FAM131B: variants seen among roughly 807,000 people sequenced by gnomAD.
FAM131B encodes the protein protein FAM131B.
In FAM131B, 19 loss-of-function variants were observed where a neutral mutation model predicts 42.0. The observed-to-expected ratio is 0.45, with a 90% CI of 0.32 to 0.66. The LOEUF is 0.66. Among genes scored for constraint, FAM131B ranks in the 30% least tolerant of loss-of-function variants. The pLI is 0.05. For synonymous variants in FAM131B, 183 were observed against 177.6 expected, an observed-to-expected ratio of 1.03 and a Z score of -0.24; for missense variants, 370 against 468.4, an observed-to-expected ratio of 0.79 and a Z score of 1.94.
chr7:143,359,050 C>T lies in FAM131B; in HGVS notation c.269-26G>A, dbSNP rs371050335. 224 of 1,606,988 alleles carry T rather than the reference C, an allele frequency of 1.4e-4. 1 individual carries two copies. The Middle Eastern group carries it at 3.9e-3, about 28-fold the overall frequency. Reference sequence around the variant, plus strand: ...CTATGGGGCCAGACATTTCCCACATCCTCCAGAATATCACACAATACCCAT... The same window carrying T: ...CTATGGGGCCAGACATTTCCCACATTCTCCAGAATATCACACAATACCCAT... On this transcript the variant is annotated intron_variant, in intron 4 of 6. Transcript: ENST00000443739. This position sits in a 1 kb window ranked among gnomAD's most constrained non-coding sequence, Gnocchi z 5.4.
chr7:143,359,761 G>C lies in FAM131B; in HGVS notation c.145C>G (p.Arg49Gly), dbSNP rs1386234822. ...SLHRPSTEQT[R>G]TDFSWDGINL... is the part of the protein sequence containing the mutation. ...ATGCCGTCCCAGGAGAAATCAGTTC[G>C]AGTTTGCTGTGAGGAGAGAGGAAAG... is the stretch of plus-strand genomic sequence containing the variant. Residue 49 changes from arginine to glycine, a missense_variant, in exon 3 of 7, where the codon CGA becomes GGA. Coordinates refer to ENST00000443739, the MANE Select transcript of FAM131B (RefSeq NM_001031690.3). This position sits in a 1 kb window ranked among gnomAD's most constrained non-coding sequence, Gnocchi z 5.4. 5.7e-6 allele frequency: 9 copies of C among 1,569,292 alleles called. No individual in the cohort carries two copies. The highest frequency in any genetic ancestry group is 6.9e-6 in the Non-Finnish European group (8 of 1,156,636).
In FAM131B at chr7:143,359,566, G is replaced by A. The variant is rs1457178141; in HGVS notation, c.175-147C>T. The A allele has an allele frequency of 3.3e-6, 3 of 916,690 alleles. No homozygotes were observed. In the African/African-American group the frequency reaches 4.9e-5, roughly 15 times the overall value. 56.8% of individuals were successfully genotyped at this position (916,690 alleles called of 1,614,324 possible). ...CTACTATACCCAAGAGTCCCAAGGA[G>A]GGATATATCCCCAGTGCTCTGGAAA... On this transcript the variant is annotated intron_variant, in intron 3 of 6. Transcript: ENST00000443739. This position sits in a 1 kb window ranked among gnomAD's most constrained non-coding sequence, Gnocchi z 5.4.
upstream of FAM131B, among the ~76,000 whole-genome samples, chr7:143,365,657 A>G (rs1171993084): frequency 6.6e-6 from 1 of 152,142 alleles, no homozygotes; most frequent in African/African-American, 2.4e-5. Context: ...CCGGAGAGCA[A>G]TGGCATGATC....
At chr7:143,380,201 G>A in the FAM131B span, 1 of 984,672 alleles carries the variant, frequency 1.0e-6, no homozygotes, top group Non-Finnish European at 1.2e-6. The surrounding 1 kb of genome is among the most constrained non-coding windows in gnomAD (Gnocchi z 5.0). Flanking sequence ...AAAGAACTGG[G>A]GCCGAGATTG....
chr7:143,359,192 G>A lies in FAM131B; in HGVS notation c.268+134C>T, dbSNP rs1803831303. The A allele has an allele frequency of 8.9e-6, 9 of 1,013,822 alleles. No individual in the cohort carries two copies. The highest frequency in any genetic ancestry group is 1.6e-5 in the African/African-American group (1 of 62,968). The allele number at this position is 1,013,822 out of a possible 1,614,324, so 62.8% of individuals were successfully genotyped here. A position where few individuals can be genotyped will look rare whatever the true frequency, so the allele number is the denominator to read the frequency against. The stretch of plus-strand genomic sequence containing the variant: ...GGAGGGAATGGCCTGGAGGATGGGA[G>A]GCTTGACAGAAGGGTGAATAGGTCA... On this transcript the variant is annotated intron_variant, in intron 4 of 6. Transcript: ENST00000443739. The surrounding 1 kb of genome is among the most constrained non-coding windows in gnomAD (Gnocchi z 5.4).
the FAM131B span, among the ~76,000 whole-genome samples, chr7:143,375,509 T>C: frequency 6.6e-6 from 1 of 152,222 alleles, no homozygotes; most frequent in African/African-American, 2.4e-5. Flanking sequence ...CATAAATAAC[T>C]ACAGACAGGG....
upstream of FAM131B, among the ~76,000 whole-genome samples, chr7:143,367,385 G>A (rs1019766260): frequency 2.0e-5 from 3 of 152,146 alleles, no homozygotes; most frequent in African/African-American, 7.2e-5. Context: ...GGGATCTAAG[G>A]TGAGCTCACT....
At chr7:143,357,521 A>C (rs991847704) in intron 5 of FAM131B, 98 bp from the exon 6 acceptor site, 2 of 952,560 alleles carry the variant, frequency 2.1e-6, no homozygotes, top group Non-Finnish European at 2.9e-6. Flanking sequence ...GTTCAGTAGA[A>C]ATATAATGCA....
chr7:143,357,556 TC>T, intron 5 of FAM131B, 133 bp from the exon 6 acceptor site: 1 of 560,552 alleles, frequency 1.8e-6, no homozygotes. Context: ...TTTTAAATTT[TC>T]CAGTAGCCAC....
chr7:143,367,025 G>A (rs965421253), upstream of FAM131B, among the ~76,000 whole-genome samples: 21 of 152,294 alleles, frequency 1.4e-4, no homozygotes, highest in African/African-American at 5.1e-4. Flanking sequence ...TAGTGTGTAA[G>A]TTGTATTCCC....
the FAM131B span, chr7:143,381,237 C>T: frequency 6.9e-6 from 7 of 1,017,854 alleles, no homozygotes; most frequent in Non-Finnish European, 8.3e-6. Flanking sequence ...CTCCGGGCCG[C>T]TCCTTGTATG....
Position 143,359,504 on chromosome 7 carries a change from G to GA in FAM131B, c.175-86dup, listed in dbSNP as rs768285017. ...CATGGAGGAGGTTCATGGTTTCCAGGAAAAAGCATTCGAGCTAGGGCAGAT... is the reference window on the plus strand; with the variant it reads ...CATGGAGGAGGTTCATGGTTTCCAGGAAAAAAGCATTCGAGCTAGGGCAGAT... On this transcript the variant is annotated intron_variant, in intron 3 of 6. Transcript: ENST00000443739. The surrounding 1 kb of genome is among the most constrained non-coding windows in gnomAD (Gnocchi z 5.4). The GA allele has an allele frequency of 2.0e-4, 234 of 1,149,684 alleles. 1 individual carries two copies. In the East Asian group the frequency reaches 5.5e-3, roughly 27 times the overall value. The allele number at this position is 1,149,684 out of a possible 1,614,324, so 71.2% of individuals were successfully genotyped here.
chr7:143,381,899 T>C, the FAM131B span: 2,237 of 1,024,786 alleles, frequency 2.2e-3, 4 homozygotes, highest in Non-Finnish European at 2.8e-3. Flanking sequence ...AGCCACCCTG[T>C]CCCGAGCAGA....
the FAM131B span, among the ~76,000 whole-genome samples, chr7:143,369,194 CA>C: frequency 9.9e-5 from 15 of 152,272 alleles, no homozygotes; most frequent in East Asian, 2.5e-3. Flanking sequence ...GAACTGTAAC[CA>C]AAATTCAGGT....
Position 143,357,390 on chromosome 7 carries a change from G to T in FAM131B, c.500C>A (p.Thr167Lys). Residue 167 changes from threonine (T) to lysine (K), a missense_variant, in exon 6 of 7, where the codon ACA (threonine) becomes AAA (lysine). By Grantham distance (78) the Thr-to-Lys change is moderately conservative. Transcript: ENST00000443739. ...VMEQFAISEA[T>K]LMAWSSMDGE... ...ATCCATGGAAGACCAGGCCATGAGT[G>T]TGGCCTCAGAGATAGCAAACTGCTC... 1 of 1,612,506 alleles carries T rather than the reference G, an allele frequency of 6.2e-7. No individual in the cohort carries two copies. Among genetic ancestry groups the T allele is most frequent in the Non-Finnish European group, 8.5e-7 (1 of 1,179,268 alleles).
In FAM131B at chr7:143,358,773, T is replaced by C; in HGVS notation, c.466+54A>G. On this transcript the variant is annotated intron_variant, in intron 5 of 6. Coordinates refer to ENST00000443739, the MANE Select transcript of FAM131B (RefSeq NM_001031690.3). The surrounding 1 kb of genome is among the most constrained non-coding windows in gnomAD (Gnocchi z 4.7). Reference sequence around the variant, plus strand: ...TGCCACAGGGGATCAGGTTGGAGGGTCGGTCCCTGGCCATCCTGCAAATGT... The same window carrying C: ...TGCCACAGGGGATCAGGTTGGAGGGCCGGTCCCTGGCCATCCTGCAAATGT... 1 of 1,451,500 alleles carries C rather than the reference T, an allele frequency of 6.9e-7. No homozygotes were observed. Among genetic ancestry groups the C allele is most frequent in the Non-Finnish European group, 9.6e-7 (1 of 1,043,342 alleles). 89.9% of individuals were successfully genotyped at this position (1,451,500 alleles called of 1,614,324 possible).
the FAM131B span, chr7:143,380,775 C>A: frequency 4.1e-6 from 4 of 985,190 alleles, no homozygotes; most frequent in Non-Finnish European, 4.8e-6. The surrounding 1 kb of genome is among the most constrained non-coding windows in gnomAD (Gnocchi z 5.0). Flanking sequence ...CCGCTCCTCA[C>A]CCCCCATCCC....
chr7:143,382,046 G>A, the FAM131B span: 1 of 603,676 alleles, frequency 1.7e-6, no homozygotes, highest in East Asian at 2.9e-5. Context: ...AAGTGTAACG[G>A]GAGCTGCACC....
At chr7:143,379,688 C>A in the FAM131B span, 149,031 of 152,312 alleles carry the variant, frequency 0.98, 72,977 homozygotes, top group East Asian at 1. Context: ...AGTCATATAG[C>A]GCATACAGCT....
Sources: gnomAD v4.1 joint callset for allele counts (sites outside exome capture counted in the v4.1 genomes callset) on GRCh38, gnomAD v4.1.1 for gene constraint, Gnocchi (gnomAD v3.1) non-coding constraint, MANE v1.5 for transcripts, NCBI Gene and HGNC (gene_info 2026-07-23, HGNC 2026-07-21) for gene names.